Variants in CPT1C observed in about 807,000 individuals in gnomAD.
The protein encoded by CPT1C is carnitine palmitoyltransferase 1C.
A neutral mutation model predicts 97.3 loss-of-function variants in CPT1C; 61 were observed. That is an observed-to-expected ratio of 0.63 (90% CI 0.51 to 0.78). CPT1C has a LOEUF of 0.78. Ranked by LOEUF, CPT1C falls within the 30% of genes least tolerant of loss-of-function variation. The pLI, the probability that CPT1C is intolerant of heterozygous loss-of-function variation, is 0.00. For synonymous variants in CPT1C, 469 were observed against 447.2 expected (o/e 1.05, Z -0.61); for missense variants, 975 against 1,065.5 (o/e 0.92, Z 1.18).
rs2123055486 is a variant in CPT1C, at chr19:49,691,176, G to A, written c.-248G>A. On this transcript the variant is annotated 5_prime_UTR_variant, in exon 1 of 20. Coordinates refer to ENST00000598293, the MANE Select transcript of CPT1C (RefSeq NM_001199753.2). ...GGGTTTCTGGGTGACGGTGATCTCG[G>A]GGTGGGCAGGACTCCAAAGGCCCGT... 6.6e-6 allele frequency: 1 copy of A among 152,178 alleles called. No homozygotes were observed. The highest frequency in any genetic ancestry group is 6.6e-5 in the Admixed American group (1 of 15,256). The allele number at this position is 152,178 out of a possible 1,614,324, so 9.4% of individuals were successfully genotyped here. A position where few individuals can be genotyped will look rare whatever the true frequency, so the allele number is the denominator to read the frequency against.
intron 12 of CPT1C, 102 bp from the exon 13 acceptor site, chr19:49,707,416 C>T: frequency 1.2e-6 from 1 of 808,656 alleles, no homozygotes; most frequent in Non-Finnish European, 2.1e-6. Context: ...CAATGGATTC[C>T]CACATCTTCC....
chr19:49,708,662 G>A (rs75581691), intron 13 of CPT1C, 61 bp from the exon 14 acceptor site: 27,427 of 1,242,260 alleles, frequency 0.022, 407 homozygotes, highest in Non-Finnish European at 0.023. Flanking sequence ...AAGAGGTCCC[G>A]GGTTAGATGG....
At chr19:49,709,472 C>G (rs1248482697) in intron 14 of CPT1C, among the ~76,000 whole-genome samples, 5 of 151,558 alleles carry the variant, frequency 3.3e-5, no homozygotes, top group Non-Finnish European at 7.4e-5. Context: ...CTCAGTCCCT[C>G]CTCCATCCCC....
At chr19:49,712,872 G>GC in intron 18 of CPT1C, 23 bp downstream of exon 18, 1 of 1,601,660 alleles carries the variant, frequency 6.2e-7, no homozygotes, top group African/African-American at 1.3e-5. Context: ...GGGCGCGCTG[G>GC]CCCCCAGAGG....
intron 13 of CPT1C, 22 bp from the exon 14 acceptor site, chr19:49,708,701 A>T (rs749897267): frequency 6.3e-7 from 1 of 1,577,580 alleles, no homozygotes; most frequent in Non-Finnish European, 8.7e-7. Context: ...AAGGGACTCT[A>T]ACAGCCTCTG....
Position 49,710,438 on chromosome 19 carries a change from C to T in CPT1C, c.1685C>T (p.Ser562Phe). The change falls in exon 15 of 20, where the codon TCT (serine) becomes TTT (phenylalanine). Residue 562 changes from serine (S) to phenylalanine (F), a missense_variant. Physicochemically the swap from Ser to Phe is radical, Grantham distance 155. This residue lies in a region of CPT1C where 344 missense variants were observed against 395.7 expected (regional missense o/e 0.87). Coordinates refer to ENST00000598293, the MANE Select transcript of CPT1C (RefSeq NM_001199753.2). ...GKSFIRRCHLSSDSFIQIALQ... is the reference protein window; with the variant it reads ...GKSFIRRCHLFSDSFIQIALQ... ...AGCTTCATCCGACGCTGCCACCTCT[C>T]TTCAGACAGCTTCATCCAGATCGCC... 1.2e-6 allele frequency: 2 copies of T among 1,614,210 alleles called. No homozygotes were observed. The highest frequency in any genetic ancestry group is 2.2e-5 in the South Asian group (2 of 91,080).
rs2082739021 is a variant in CPT1C, at chr19:49,697,584, CA to C, written c.281+120del. On this transcript the variant is annotated intron_variant, in intron 4 of 19. Coordinates refer to ENST00000598293, the MANE Select transcript of CPT1C (RefSeq NM_001199753.2). Reference sequence around the variant, plus strand: ...GTAACCTCTGAGACTTACATTGGGTCAGATTAATAAAGGCATGGCATGAAGA... The same window carrying C: ...GTAACCTCTGAGACTTACATTGGGTCGATTAATAAAGGCATGGCATGAAGA... 9 of 1,232,964 alleles carry C rather than the reference CA, an allele frequency of 7.3e-6. No homozygotes were observed. The East Asian group carries it at 2.2e-4, about 29-fold the overall frequency. 76.4% of individuals were successfully genotyped at this position (1,232,964 alleles called of 1,614,324 possible). A position where few individuals can be genotyped will look rare whatever the true frequency, so the allele number is the denominator to read the frequency against.
In CPT1C at chr19:49,699,457, TAAAAAAAAAAAAAAAA is replaced by T. The variant is rs71180647; in HGVS notation, c.282-1208_282-1193del. Among the ~76,000 whole-genome samples the T allele has an allele frequency of 2.8e-4, 10 of 35,290 alleles. No homozygotes were observed. The South Asian group carries it at 9.6e-3, about 34-fold the overall frequency. The allele number at this position is 35,290 out of a possible 152,430, so 23.2% of individuals were successfully genotyped here. On this transcript the variant is annotated intron_variant, in intron 4 of 19. Transcript: ENST00000598293. Reference sequence around the variant, plus strand: ...TGGGCAACATAGAGACCCCTGTCTCTAAAAAAAAAAAAAAAAAAAAAAAAAAAAAAAAAATTCCTGG... The same window carrying T: ...TGGGCAACATAGAGACCCCTGTCTCTAAAAAAAAAAAAAAAAAATTCCTGG...
intron 5 of CPT1C, 63 bp downstream of exon 5, chr19:49,700,918 C>G: frequency 6.4e-7 from 1 of 1,550,696 alleles, no homozygotes; most frequent in Non-Finnish European, 8.8e-7. Flanking sequence ...TCCCCTCTCT[C>G]TGGGTCTCTG....
chr19:49,701,006 T>C lies in CPT1C; in HGVS notation c.453+151T>C, dbSNP rs537284175. 162 of 795,680 alleles carry C rather than the reference T, an allele frequency of 2.0e-4. 1 individual carries two copies. The South Asian group carries it at 2.8e-3, about 14-fold the overall frequency. The allele number at this position is 795,680 out of a possible 1,614,324, so 49.3% of individuals were successfully genotyped here. On this transcript the variant is annotated intron_variant, in intron 5 of 19. Coordinates refer to ENST00000598293, the MANE Select transcript of CPT1C (RefSeq NM_001199753.2). ...CTTTCTGGGTCTCTGTCCTCCTCTG[T>C]CCCTGGGTCTCTGTCCCCCTCTCTC...
intron 4 of CPT1C, 170 bp downstream of exon 4, chr19:49,697,635 T>A: frequency 1.4e-6 from 1 of 710,530 alleles, no homozygotes; most frequent in Non-Finnish European, 2.2e-6. Context: ...CCGGGCACAG[T>A]GGCTCACCCC....
chr19:49,701,414 G>A lies in CPT1C; in HGVS notation c.551G>A (p.Arg184His), dbSNP rs765721653. The A allele has an allele frequency of 8.1e-6, 13 of 1,608,374 alleles. No individual in the cohort carries two copies. The highest frequency in any genetic ancestry group is 2.7e-5 in the African/African-American group (2 of 74,752). ...QPVPSVQDTVRKYLESVRPIL... is the reference protein window; with the variant it reads ...QPVPSVQDTVHKYLESVRPIL... Reference sequence around the variant, plus strand: ...GTGCCCTCTGTGCAGGACACCGTGCGCAAGGTGGGCCTGGGAGCGCGCAGA... The same window carrying A: ...GTGCCCTCTGTGCAGGACACCGTGCACAAGGTGGGCCTGGGAGCGCGCAGA... Residue 184 changes from arginine (R) to histidine (H), a missense_variant, in exon 6 of 20, where the codon CGC (arginine) becomes CAC (histidine). Physicochemically the swap from Arg to His is conservative, Grantham distance 29. This residue lies in a region of CPT1C where 596 missense variants were observed against 603.1 expected (regional missense o/e 0.99). Transcript: ENST00000598293.
At position 49,705,127 on chromosome 19, in the gene CPT1C, C is replaced by T. The variant is rs889954627; in HGVS notation, c.879+13C>T. On this transcript the variant is annotated intron_variant, in intron 9 of 19. Transcript: ENST00000598293. ...GGAGATACCCCCGGTGAGAGGGCCCCAGTGGGTTAGGGATGGAGGTGTGGT... is the reference window on the plus strand; with the variant it reads ...GGAGATACCCCCGGTGAGAGGGCCCTAGTGGGTTAGGGATGGAGGTGTGGT... 3.1e-6 allele frequency: 5 copies of T among 1,613,660 alleles called. No homozygotes were observed. The highest frequency in any genetic ancestry group is 4.2e-6 in the Non-Finnish European group (5 of 1,179,702).
rs1452488284 is a variant in CPT1C, at chr19:49,692,375, G to T, written c.123G>T (p.Arg41Ser). The change falls in exon 3 of 20, where the codon AGG becomes AGT. Residue 41 changes from arginine (R) to serine (S), a missense_variant. By Grantham distance (110) the Arg-to-Ser change is moderately radical. Transcript: ENST00000598293. Reference protein sequence around the residue: ...IYLSGLRSWKRHLSRFWNDFL... With the variant: ...IYLSGLRSWKSHLSRFWNDFL... ...TCTCTGGCCTGCGCTCCTGGAAAAG[G>T]CATCTCTCACGTTTCTGGGTGAGGA... is the stretch of plus-strand genomic sequence containing the variant. 2 of 1,614,100 alleles carry T rather than the reference G, an allele frequency of 1.2e-6. No homozygotes were observed. Among genetic ancestry groups the T allele is most frequent in the Non-Finnish European group, 1.7e-6 (2 of 1,180,006 alleles).
chr19:49,697,266 C>T, intron 3 of CPT1C, 60 bp from the exon 4 acceptor site: 1 of 1,608,438 alleles, frequency 6.2e-7, no homozygotes, highest in Non-Finnish European at 8.5e-7. Context: ...GGGGATGGCA[C>T]AGAACAGGGG....
At chr19:49,705,353 G>T in intron 10 of CPT1C, 55 bp downstream of exon 10, 1 of 1,445,258 alleles carries the variant, frequency 6.9e-7, no homozygotes, top group Non-Finnish European at 9.4e-7. Flanking sequence ...GTGGCTAAGA[G>T]CATGTTTTCT....
Position 49,700,865 on chromosome 19 carries a change from G to C in CPT1C, c.453+10G>C. 6.2e-7 allele frequency: 1 copy of C among 1,610,368 alleles called. No homozygotes were observed. The highest frequency in any genetic ancestry group is 2.2e-5 in the East Asian group (1 of 44,876). On this transcript the variant is annotated intron_variant, in intron 5 of 19. Transcript: ENST00000598293. Reference sequence around the variant, plus strand: ...CACCAAGACCTGGCTGGTATGGGAGGGGCATAGCCCTGCTCAGGCTCTCCT... The same window carrying C: ...CACCAAGACCTGGCTGGTATGGGAGCGGCATAGCCCTGCTCAGGCTCTCCT...
rs544864514 is a variant in CPT1C at position 49,711,616 on chromosome 19, G to A, written c.1867-193G>A. 170 of 618,940 alleles carry A rather than the reference G, an allele frequency of 2.7e-4. No individual in the cohort carries two copies. The African/African-American group carries it at 2.9e-3, about 10-fold the overall frequency. The allele number at this position is 618,940 out of a possible 1,614,324, so 38.3% of individuals were successfully genotyped here. ...CCAGACACACCTAGGAACCCGCCTGGCTCTCCCTGGCTGTGTGAACCTGGC... is the reference window on the plus strand; with the variant it reads ...CCAGACACACCTAGGAACCCGCCTGACTCTCCCTGGCTGTGTGAACCTGGC... On this transcript the variant is annotated intron_variant, in intron 16 of 19. Transcript: ENST00000598293.
chr19:49,693,132 C>G (rs986762511), intron 3 of CPT1C, among the ~76,000 whole-genome samples: 2 of 152,190 alleles, frequency 1.3e-5, no homozygotes, highest in Non-Finnish European at 2.9e-5. Flanking sequence ...AAGTGATCTG[C>G]CTCCCAAAGC....
Sources: allele counts gnomAD v4.1 joint callset (sites outside exome capture counted in the v4.1 genomes callset), GRCh38; gene constraint gnomAD v4.1.1; regional missense constraint gnomAD v4.1.1; transcripts MANE v1.5; gene names NCBI Gene and HGNC (gene_info 2026-07-23, HGNC 2026-07-21).